The following FAT2 variants were observed in gnomAD, a reference collection of about 807,000 sequenced individuals.
The protein encoded by FAT2 is FAT atypical cadherin 2.
Under a neutral mutation model 295.3 loss-of-function variants are expected in FAT2, and 150 were observed. The ratio of observed to expected loss-of-function variants is 0.51; its 90% CI spans 0.44 to 0.58. The LOEUF (loss-of-function observed/expected upper bound fraction) is 0.58, where lower values mean the gene tolerates loss of function less well. Ranked by LOEUF, FAT2 falls within the 20% of genes least tolerant of loss-of-function variation. The pLI is 0.00. For synonymous variants in FAT2, 2,026 were observed against 2,150.3 expected, an observed-to-expected ratio of 0.94 and a Z score of 1.60; for missense variants, 4,868 against 5,442.7, an observed-to-expected ratio of 0.89 and a Z score of 3.32.
chr5:151,537,184 GAA>G (rs1581370252), intron 12 of FAT2, among the ~76,000 whole-genome samples: 2 of 151,372 alleles, frequency 1.3e-5, no homozygotes, highest in African/African-American at 2.4e-5. Flanking sequence ...CAGAAAGAAA[GAA>G]GAGAGAGAGA....
rs575682148 is a variant in FAT2, at chr5:151,548,790, T to G, written c.4789+505A>C. Among the ~76,000 whole-genome samples, 7 of 152,304 alleles carry G rather than the reference T, an allele frequency of 4.6e-5. No homozygotes were observed. In the South Asian group the frequency reaches 6.2e-4, roughly 14 times the overall value. ...GCCACCGCATCTGGCCAACATACAT[T>G]TTCTCTTTTAATCTTTGCAATGACT... On this transcript the variant is annotated intron_variant, in intron 9 of 23. Coordinates refer to ENST00000261800, the MANE Select transcript of FAT2 (RefSeq NM_001447.3).
chr5:151,545,824 C>A lies in FAT2; in HGVS notation c.5303G>T (p.Ser1768Ile). Residue 1768 changes from serine (S) to isoleucine (I), a missense_variant, in exon 10 of 24, where the codon AGT becomes ATT. Around this residue, in one of 5 missense-constraint regions of FAT2, gnomAD observed 3,297 missense variants for 3,669.4 expected, o/e 0.90. Transcript: ENST00000261800. ...CATGCTATACAGTGGAGCTGCTTCACTAATTTGGCCCACAAAAGTTGACTT... is the reference window on the plus strand; with the variant it reads ...CATGCTATACAGTGGAGCTGCTTCAATAATTTGGCCCACAAAAGTTGACTT... ...FLKSTFVGQI[S>I]EAAPLYSMIM... 1 of 1,614,220 alleles carries A rather than the reference C, an allele frequency of 6.2e-7. No homozygotes were observed. Among genetic ancestry groups the A allele is most frequent in the Non-Finnish European group, 8.5e-7 (1 of 1,180,054 alleles).
chr5:151,545,304 G>A lies in FAT2; in HGVS notation c.5823C>T (p.Ile1941=), dbSNP rs768938689. The A allele has an allele frequency of 5.0e-6, 8 of 1,614,158 alleles. No homozygotes were observed. The highest frequency in any genetic ancestry group is 1.6e-4 in the Middle Eastern group (1 of 6,062). ...CTTGATACAAGCCATCAGAAGCCCT[G>A]ATGGTGAGCTTCCGAGAGAGTCCCA... ...AFLGLSRKLT[I]RASDGLYQDT... The change falls in exon 10 of 24, where the codon ATC becomes ATT. Residue 1941 remains isoleucine, a synonymous_variant. Coordinates refer to ENST00000261800, the MANE Select transcript of FAT2 (RefSeq NM_001447.3).
chr5:151,578,450 T>C (rs1377189397), intron 1 of FAT2, among the ~76,000 whole-genome samples: 3 of 151,994 alleles, frequency 2.0e-5, no homozygotes, highest in Non-Finnish European at 4.4e-5. Flanking sequence ...ATGACTATTA[T>C]CAAAAAGACA....
intron 10 of FAT2, 128 bp from the exon 11 acceptor site, chr5:151,540,891 T>G: frequency 3.9e-6 from 3 of 778,164 alleles, no homozygotes; most frequent in Admixed American, 3.1e-5. Flanking sequence ...CTTCCTTAAC[T>G]AGGAACCCAC....
At chr5:151,593,356 G>A (rs573875792), upstream of FAT2, among the ~76,000 whole-genome samples, 8 of 152,304 alleles carry the variant, frequency 5.3e-5, no homozygotes, top group African/African-American at 1.9e-4. Context: ...ACTGTCTGCA[G>A]CCTATTGCAG....
intron 1 of FAT2, among the ~76,000 whole-genome samples, chr5:151,576,772 T>G (rs1441772412): frequency 6.6e-6 from 1 of 152,172 alleles, no homozygotes; most frequent in Non-Finnish European, 1.5e-5. Context: ...CTCTCCTTAG[T>G]AGTAGGGAGT....
rs1245873519 is a variant in FAT2 at position 151,546,151 on chromosome 5, A to T, written c.4976T>A (p.Ile1659Asn). 1.2e-6 allele frequency: 2 copies of T among 1,614,144 alleles called. No individual in the cohort carries two copies. Among genetic ancestry groups the T allele is most frequent in the East Asian group, 2.2e-5 (1 of 44,884 alleles). The change falls in exon 10 of 24, where the codon ATC (isoleucine) becomes AAC (asparagine). Residue 1659 changes from isoleucine (I) to asparagine (N), a missense_variant. Ile to Asn is a moderately radical substitution (Grantham distance 149). This residue lies in a region of FAT2 where 3,297 missense variants were observed against 3,669.4 expected (regional missense o/e 0.90). Transcript: ENST00000261800. ...TACAAAGTACTCAGATTTTGAAAAG[A>T]TGGGGGCACTCCTATCTGAGGGATA... ...HVYPSDRSAPIFSKSEYFVEI... is the reference protein window; with the variant it reads ...HVYPSDRSAPNFSKSEYFVEI...
intron 1 of FAT2, among the ~76,000 whole-genome samples, chr5:151,583,629 T>C (rs1175253071): frequency 6.6e-6 from 1 of 152,182 alleles, no homozygotes; most frequent in African/African-American, 2.4e-5. Flanking sequence ...CTGGTTAGTT[T>C]CTGGAAAATT....
chr5:151,536,421 A>C (rs1011272850), intron 12 of FAT2, among the ~76,000 whole-genome samples: 2 of 152,088 alleles, frequency 1.3e-5, no homozygotes, highest in Non-Finnish European at 2.9e-5. Flanking sequence ...GGTATCTCCA[A>C]GTCATCCTGT....
At chr5:151,506,457 C>T (rs1347071611) in intron 23 of FAT2, among the ~76,000 whole-genome samples, 1 of 148,798 alleles carries the variant, frequency 6.7e-6, no homozygotes, top group African/African-American at 2.4e-5. Context: ...AGGAAACACA[C>T]ACACAGTTTG....
At chr5:151,546,392 A>G in intron 9 of FAT2, 55 bp from the exon 10 acceptor site, 1 of 1,368,762 alleles carries the variant, frequency 7.3e-7, no homozygotes, top group African/African-American at 1.4e-5. Flanking sequence ...GGTATCAGCT[A>G]GGCTTTCTAG....
At chr5:151,508,991 G>T (rs1042481629) in intron 22 of FAT2, among the ~76,000 whole-genome samples, 1 of 152,050 alleles carries the variant, frequency 6.6e-6, no homozygotes, top group African/African-American at 2.4e-5. Context: ...CCAAGTTTGG[G>T]AGCCCTAAAA....
At chr5:151,594,774 A>G (rs1759522004), upstream of FAT2, among the ~76,000 whole-genome samples, 1 of 152,232 alleles carries the variant, frequency 6.6e-6, no homozygotes, top group South Asian at 2.1e-4. Flanking sequence ...GGGACGGAGC[A>G]GAGGACCCTC....
At chr5:151,528,475 C>T (rs114249998) in intron 15 of FAT2, among the ~76,000 whole-genome samples, 547 of 152,248 alleles carry the variant, frequency 3.6e-3, no homozygotes, top group African/African-American at 0.013. Flanking sequence ...CTTATAAGAG[C>T]ACACAGTGAT....
At chr5:151,576,610 G>A (rs1441945258) in intron 1 of FAT2, among the ~76,000 whole-genome samples, 1 of 152,130 alleles carries the variant, frequency 6.6e-6, no homozygotes, top group Non-Finnish European at 1.5e-5. Context: ...TGAAGAGTTT[G>A]GATATATATA....
At chr5:151,560,268 C>T (rs946775316) in intron 3 of FAT2, among the ~76,000 whole-genome samples, 1 of 152,204 alleles carries the variant, frequency 6.6e-6, no homozygotes, top group African/African-American at 2.4e-5. Flanking sequence ...TGTATATTAA[C>T]TCATTTAATT....
At chr5:151,529,851 A>T (rs56394417) in intron 14 of FAT2, among the ~76,000 whole-genome samples, 24,536 of 152,156 alleles carry the variant, frequency 0.16, 2,268 homozygotes, top group Non-Finnish European at 0.2. Flanking sequence ...GTTGCCCACA[A>T]ATTGTTAGGG....
intron 8 of FAT2, 89 bp from the exon 9 acceptor site, chr5:151,549,594 T>G: frequency 9.6e-7 from 1 of 1,038,676 alleles, no homozygotes; most frequent in Admixed American, 2.0e-5. Context: ...AGAATGCCAA[T>G]TTAAAATATG....
Sources: gnomAD v4.1 joint callset for allele counts (sites outside exome capture counted in the v4.1 genomes callset) on GRCh38, gnomAD v4.1.1 for gene constraint, gnomAD v4.1.1 regional missense constraint, MANE v1.5 for transcripts, NCBI Gene and HGNC (gene_info 2026-07-23, HGNC 2026-07-21) for gene names.